The following FBXL2 variants were observed in gnomAD, a reference collection of about 807,000 sequenced individuals.
FBXL2 encodes the protein F-box and leucine rich repeat protein 2.
A neutral mutation model predicts 69.2 loss-of-function variants in FBXL2; 38 were observed. The observed-to-expected ratio is 0.55, with a 90% CI of 0.42 to 0.72. FBXL2 has a LOEUF of 0.72. Among genes scored for constraint, FBXL2 ranks in the 30% least tolerant of loss-of-function variants. The pLI is 0.00. For synonymous variants in FBXL2, 192 were observed against 201.3 expected (o/e 0.95, Z 0.39); for missense variants, 354 against 520.3 (o/e 0.68, Z 3.11).
At chr3:33,374,383 A>T (rs2042501006) in intron 9 of FBXL2, among the ~76,000 whole-genome samples, 1 of 152,238 alleles carries the variant, frequency 6.6e-6, no homozygotes, top group South Asian at 2.1e-4. Context: ...TTTCATCAGG[A>T]CATTAGCCTA....
At chr3:33,335,526 C>T (rs532744306) in intron 2 of FBXL2, among the ~76,000 whole-genome samples, 19 of 151,920 alleles carry the variant, frequency 1.3e-4, no homozygotes, top group African/African-American at 3.1e-4. Context: ...GGTGACAGAA[C>T]GAGACCCTGT....
intron 2 of FBXL2, among the ~76,000 whole-genome samples, chr3:33,343,868 C>T (rs1448278324): frequency 6.6e-6 from 1 of 151,960 alleles, no homozygotes; most frequent in African/African-American, 2.4e-5. Context: ...TACGGATAGT[C>T]TATTACTTTT....
intron 2 of FBXL2, among the ~76,000 whole-genome samples, chr3:33,339,303 G>A (rs2039832822): frequency 1.3e-5 from 2 of 152,122 alleles, no homozygotes; most frequent in Admixed American, 6.6e-5. Flanking sequence ...GCAGAGAGAG[G>A]GGAATCCTTA....
At chr3:33,392,756 A>C (rs1488673312), downstream of FBXL2, 12 of 722,140 alleles carry the variant, frequency 1.7e-5, no homozygotes, top group Non-Finnish European at 2.2e-5. Flanking sequence ...AGTGTGAGGC[A>C]GCAAAGATGC....
At chr3:33,329,251 A>T (rs766062625) in intron 2 of FBXL2, among the ~76,000 whole-genome samples, 1 of 152,180 alleles carries the variant, frequency 6.6e-6, no homozygotes, top group Non-Finnish European at 1.5e-5. Context: ...TTTTATCAAA[A>T]AGATGATGGA....
At chr3:33,300,320 C>T (rs890386555) in intron 2 of FBXL2, among the ~76,000 whole-genome samples, 8 of 152,152 alleles carry the variant, frequency 5.3e-5, no homozygotes, top group African/African-American at 1.9e-4. Flanking sequence ...TTCTAAACTG[C>T]AGTCTTGGAA....
chr3:33,281,777 G>C (rs2034038381), intron 1 of FBXL2, among the ~76,000 whole-genome samples: 1 of 151,950 alleles, frequency 6.6e-6, no homozygotes, highest in African/African-American at 2.4e-5. Flanking sequence ...GTTTTGATTT[G>C]CATTTCTCTG....
Position 33,359,014 on chromosome 3 carries a change from T to A in FBXL2, c.113T>A (p.Ile38Asn). Residue 38 changes from isoleucine (I) to asparagine (N), a missense_variant, in exon 3 of 15, where the codon ATT becomes AAT. By Grantham distance (149) the Ile-to-Asn change is moderately radical. Transcript: ENST00000484457. ...GTAACTTTGTGCCGATGTGCACAGA[T>A]TTCCAAGGTAGAGTATTCACCAGAT... ...DIVTLCRCAQ[I>N]SKAWNILALD... The A allele has an allele frequency of 6.5e-7, 1 of 1,548,946 alleles. No homozygotes were observed.
At chr3:33,400,341 A>C in intron 12 of FBXL2, 1 of 1,374,854 alleles carries the variant, frequency 7.3e-7, no homozygotes, top group Non-Finnish European at 9.9e-7. Context: ...GAACATTTAA[A>C]CAAAACACAG....
intron 2 of FBXL2, among the ~76,000 whole-genome samples, chr3:33,330,364 G>A (rs2039054039): frequency 6.6e-6 from 1 of 152,064 alleles, no homozygotes; most frequent in South Asian, 2.1e-4. Context: ...CGGAGTTCTG[G>A]GGATGAAGAG....
At position 33,387,593 on chromosome 3, in the gene FBXL2, T is replaced by TGAGA. The variant is rs1439878324; in HGVS notation, c.*1986_*1989dup. The stretch of plus-strand genomic sequence containing the variant: ...CTCCATCCAGCCCAGGAGACAACAG[T>TGAGA]GAGACTCCATCATCATCTCAAAACA... On this transcript the variant is annotated 3_prime_UTR_variant, in exon 15 of 15. Transcript: ENST00000484457. 1 of 150,300 alleles carries TGAGA rather than the reference T, an allele frequency of 6.7e-6. No homozygotes were observed. Among genetic ancestry groups the TGAGA allele is most frequent in the Non-Finnish European group, 1.5e-5 (1 of 67,914 alleles). 9.3% of individuals were successfully genotyped at this position (150,300 alleles called of 1,614,324 possible). A position where few individuals can be genotyped will look rare whatever the true frequency, so the allele number is the denominator to read the frequency against.
intron 5 of FBXL2, among the ~76,000 whole-genome samples, chr3:33,371,330 ATT>A (rs749436186): frequency 4.4e-4 from 59 of 134,084 alleles, no homozygotes; most frequent in South Asian, 1.4e-3. Context: ...ATACCAGCTA[ATT>A]TTTTTTTTTT....
rs1188801680 is a variant in FBXL2, at chr3:33,387,684, G to A, written c.*2076G>A. 2 of 152,138 alleles carry A rather than the reference G, an allele frequency of 1.3e-5. No homozygotes were observed. The highest frequency in any genetic ancestry group is 2.9e-5 in the Non-Finnish European group (2 of 68,046). 9.4% of individuals were successfully genotyped at this position (152,138 alleles called of 1,614,324 possible). ...TACATGATTGATTTCTTTTGAGCCA[G>A]GATACAACCTATCATCAGTCACAGC... On this transcript the variant is annotated 3_prime_UTR_variant, in exon 15 of 15. Coordinates refer to ENST00000484457, the MANE Select transcript of FBXL2 (RefSeq NM_012157.5).
At chr3:33,391,121 A>G (rs2043747082), downstream of FBXL2, 1 of 152,270 alleles carries the variant, frequency 6.6e-6, no homozygotes, top group Non-Finnish European at 1.5e-5. Flanking sequence ...TGTTTCTGAA[A>G]GAGTGAACCA....
Position 33,364,402 on chromosome 3 carries a change from T to C in FBXL2, c.196-223T>C, listed in dbSNP as rs951721007. ...TTGCATTTGTGTTTGTTTTTGTTTG[T>C]TGGTTGGTTTTAGAATACTTAATGC... is the stretch of plus-strand genomic sequence containing the variant. On this transcript the variant is annotated intron_variant, in intron 4 of 14. Transcript: ENST00000484457. The C allele has an allele frequency of 5.5e-6, 3 of 549,722 alleles. No individual in the cohort carries two copies. The African/African-American group carries it at 5.7e-5, about 10-fold the overall frequency. 34.1% of individuals were successfully genotyped at this position (549,722 alleles called of 1,614,324 possible). A position where few individuals can be genotyped will look rare whatever the true frequency, so the allele number is the denominator to read the frequency against.
chr3:33,294,289 G>A lies in FBXL2; in HGVS notation c.4-3375G>A, dbSNP rs190015780. On this transcript the variant is annotated intron_variant, in intron 1 of 14. Transcript: ENST00000484457. ...TTTTTAAATTTTTTTGTAGAGTCGGGTCTCACTATGTTGCCCAGGCTAGCC... is the reference window on the plus strand; with the variant it reads ...TTTTTAAATTTTTTTGTAGAGTCGGATCTCACTATGTTGCCCAGGCTAGCC... Among the ~76,000 whole-genome samples the A allele has an allele frequency of 1.2e-3, 179 of 151,956 alleles. 2 individuals carry two copies. Among genetic ancestry groups the A allele is most frequent in the African/African-American group, 4.1e-3 (171 of 41,462 alleles).
intron 5 of FBXL2, among the ~76,000 whole-genome samples, chr3:33,368,633 C>T (rs1383358932): frequency 2.0e-5 from 3 of 151,180 alleles, no homozygotes; most frequent in African/African-American, 7.3e-5. Context: ...CTTGCTCTGT[C>T]GCCCAGGCTG....
chr3:33,403,157 G>A (rs900799466), intron 12 of FBXL2: 4 of 393,522 alleles, frequency 1.0e-5, no homozygotes, highest in African/African-American at 8.6e-5. Flanking sequence ...ATTTATAAAG[G>A]CATTTAAAAT....
chr3:33,319,151 A>G (rs948086048), intron 2 of FBXL2, among the ~76,000 whole-genome samples: 16 of 152,320 alleles, frequency 1.1e-4, no homozygotes, highest in South Asian at 2.1e-4. Flanking sequence ...ATCTTGTTCA[A>G]ATTTTACAAA....
Sources: allele counts gnomAD v4.1 joint callset (sites outside exome capture counted in the v4.1 genomes callset), GRCh38; gene constraint gnomAD v4.1.1; transcripts MANE v1.5; gene names NCBI Gene and HGNC (gene_info 2026-07-23, HGNC 2026-07-21).